The following CARMIL1 variants were observed in gnomAD, a reference collection of about 807,000 sequenced individuals.
The protein encoded by CARMIL1 is F-actin-uncapping protein LRRC16A.
In CARMIL1, 90 loss-of-function variants were observed where a neutral mutation model predicts 177.1. The observed-to-expected ratio is 0.51, with a 90% CI of 0.43 to 0.61. The LOEUF (loss-of-function observed/expected upper bound fraction) is 0.61, where lower values mean the gene tolerates loss of function less well. Among genes scored for constraint, CARMIL1 ranks in the 20% least tolerant of loss-of-function variants. The pLI is 0.00. For missense variants in CARMIL1, 1,380 were observed against 1,667.0 expected (o/e 0.83, Z 3.00); for synonymous variants, 577 against 606.2 (o/e 0.95, Z 0.71).
intron 3 of CARMIL1, among the ~76,000 whole-genome samples, chr6:25,421,188 A>G (rs1263719054): frequency 6.6e-6 from 1 of 152,254 alleles, no homozygotes; most frequent in Non-Finnish European, 1.5e-5. Context: ...TCACAGTAAC[A>G]TTGTAGATGA....
intron 2 of CARMIL1, among the ~76,000 whole-genome samples, chr6:25,338,398 A>C (rs536479310): frequency 2.0e-5 from 3 of 152,168 alleles, no homozygotes; most frequent in African/African-American, 4.8e-5. Context: ...CTGTCTCCAG[A>C]ACTTTTGCCC....
chr6:25,599,088 G>C (rs1295044251), intron 32 of CARMIL1, among the ~76,000 whole-genome samples: 1 of 152,234 alleles, frequency 6.6e-6, no homozygotes, highest in African/African-American at 2.4e-5. Context: ...TTTCCAGAGA[G>C]TGAACTTGGG....
intron 2 of CARMIL1, among the ~76,000 whole-genome samples, chr6:25,410,086 C>G (rs1199636541): frequency 6.7e-6 from 1 of 149,452 alleles, no homozygotes; most frequent in East Asian, 2.0e-4. Context: ...ACCCCCCCCG[C>G]CCCCCGCCGC....
intron 36 of CARMIL1, among the ~76,000 whole-genome samples, chr6:25,616,834 G>A (rs2151353725): frequency 6.6e-6 from 1 of 152,222 alleles, no homozygotes; most frequent in Middle Eastern, 3.4e-3. Context: ...TAATAAGGGT[G>A]GAGACGAGAA....
At chr6:25,593,465 T>G (rs1262974774) in intron 31 of CARMIL1, among the ~76,000 whole-genome samples, 2 of 152,342 alleles carry the variant, frequency 1.3e-5, no homozygotes, top group African/African-American at 2.4e-5. Flanking sequence ...TATGGGTTAT[T>G]GTATTATTAG....
intron 2 of CARMIL1, among the ~76,000 whole-genome samples, chr6:25,298,303 C>G (rs1356453306): frequency 3.9e-5 from 6 of 152,078 alleles, no homozygotes; most frequent in Admixed American, 1.3e-4. Flanking sequence ...AAAGAAATAC[C>G]TCAACTTTGC....
intron 2 of CARMIL1, among the ~76,000 whole-genome samples, chr6:25,369,635 T>C (rs1309597487): frequency 1.3e-5 from 2 of 152,172 alleles, no homozygotes; most frequent in Non-Finnish European, 2.9e-5. Context: ...GCAGGAAGGC[T>C]GGGCCTTTGG....
chr6:25,292,471 GA>G (rs1195106167), intron 2 of CARMIL1, among the ~76,000 whole-genome samples: 4 of 152,178 alleles, frequency 2.6e-5, no homozygotes, highest in African/African-American at 7.2e-5. Context: ...CCGAACACTG[GA>G]GTCAGTTCCT....
chr6:25,586,085 GCCAGGCAGAGGCGCCCCCCA>G (rs1813631431), intron 31 of CARMIL1, among the ~76,000 whole-genome samples: 1 of 151,030 alleles, frequency 6.6e-6, no homozygotes, highest in African/African-American at 2.5e-5. Flanking sequence ...CGGGGTGGCG[GCCAGGCAGAGGCGCCCCCCA>G]TCTCCCTAAC....
Position 25,411,654 on chromosome 6 carries a change from G to A in CARMIL1, c.139-8460G>A, listed in dbSNP as rs376495824. On this transcript the variant is annotated intron_variant, in intron 2 of 36. Transcript: ENST00000329474. Reference sequence around the variant, plus strand: ...ATGAAGTGATTGTGTCTGGCATGCTGTATGTAAACATTCCATTTCTACATA... The same window carrying A: ...ATGAAGTGATTGTGTCTGGCATGCTATATGTAAACATTCCATTTCTACATA... Among the ~76,000 whole-genome samples the A allele has an allele frequency of 1.5e-4, 23 of 152,178 alleles. 1 individual carries two copies. The highest frequency in any genetic ancestry group is 4.1e-4 in the African/African-American group (17 of 41,444).
intron 34 of CARMIL1, among the ~76,000 whole-genome samples, chr6:25,605,149 T>A (rs1253772961): frequency 6.6e-6 from 1 of 152,154 alleles, no homozygotes; most frequent in Non-Finnish European, 1.5e-5. Context: ...TCTGACTGTT[T>A]TTTCATTGCA....
intron 4 of CARMIL1, among the ~76,000 whole-genome samples, chr6:25,432,244 G>A (rs1228737848): frequency 6.6e-6 from 1 of 152,080 alleles, no homozygotes; most frequent in African/African-American, 2.4e-5. Context: ...AAAATCATGA[G>A]GATGGGAATA....
chr6:25,520,355 G>A lies in CARMIL1; in HGVS notation c.1968+18G>A. On this transcript the variant is annotated intron_variant, in intron 23 of 36. Coordinates refer to ENST00000329474, the MANE Select transcript of CARMIL1 (RefSeq NM_017640.6). Reference sequence around the variant, plus strand: ...TGCAAAAGGTATTAAAGAATCAGTAGCTTAATTACAAGAAATTCACATTTG... The same window carrying A: ...TGCAAAAGGTATTAAAGAATCAGTAACTTAATTACAAGAAATTCACATTTG... 1 of 1,322,868 alleles carries A rather than the reference G, an allele frequency of 7.6e-7. No homozygotes were observed. Among genetic ancestry groups the A allele is most frequent in the Non-Finnish European group, 1.1e-6 (1 of 950,046 alleles). The allele number at this position is 1,322,868 out of a possible 1,614,324, so 81.9% of individuals were successfully genotyped here. A position where few individuals can be genotyped will look rare whatever the true frequency, so the allele number is the denominator to read the frequency against.
intron 8 of CARMIL1, among the ~76,000 whole-genome samples, chr6:25,459,265 T>TCTTTCTTTCTTTTCTTTC (rs1562167771): frequency 8.7e-6 from 1 of 115,294 alleles, no homozygotes; most frequent in Non-Finnish European, 1.9e-5. Context: ...TTTCTTTCTT[T>TCTTTCTTTCTTTTCTTTC]CTTTTTTTTT....
chr6:25,533,671 T>G (rs1203546457), intron 24 of CARMIL1, among the ~76,000 whole-genome samples: 5 of 152,218 alleles, frequency 3.3e-5, no homozygotes, highest in African/African-American at 9.6e-5. Context: ...CCTTCTGCTT[T>G]CTACACAACT....
chr6:25,403,942 C>G (rs1047511496), intron 2 of CARMIL1, among the ~76,000 whole-genome samples: 1 of 152,172 alleles, frequency 6.6e-6, no homozygotes, highest in Non-Finnish European at 1.5e-5. Context: ...TCCTTGGTGC[C>G]TACCACAAGG....
At position 25,387,044 on chromosome 6, in the gene CARMIL1, C is replaced by T. The variant is rs1031231403; in HGVS notation, c.139-33070C>T. ...ACTTAGGAGCCTGAGGCGGGAGAAT[C>T]GTTTGAACCTGCGAGGCCGAGATCG... is the stretch of plus-strand genomic sequence containing the variant. On this transcript the variant is annotated intron_variant, in intron 2 of 36. Transcript: ENST00000329474. Among the ~76,000 whole-genome samples, 8 of 140,960 alleles carry T rather than the reference C, an allele frequency of 5.7e-5. No homozygotes were observed. The East Asian group carries it at 1.1e-3, about 19-fold the overall frequency. The allele number at this position is 140,960 out of a possible 152,430, so 92.5% of individuals were successfully genotyped here.
intron 23 of CARMIL1, among the ~76,000 whole-genome samples, chr6:25,528,506 G>A (rs550222172): frequency 6.6e-6 from 1 of 152,290 alleles, no homozygotes; most frequent in South Asian, 2.1e-4. Context: ...AACTCACGAA[G>A]TGGGGTCTCT....
At chr6:25,566,354 C>T (rs896816807) in intron 29 of CARMIL1, among the ~76,000 whole-genome samples, 2 of 152,182 alleles carry the variant, frequency 1.3e-5, no homozygotes, top group African/African-American at 4.8e-5. Context: ...TTAGTCTCTC[C>T]TTTGTTCTCT....
Sources: allele counts gnomAD v4.1 joint callset (sites outside exome capture counted in the v4.1 genomes callset), GRCh38; gene constraint gnomAD v4.1.1; transcripts MANE v1.5; gene names NCBI Gene and HGNC (gene_info 2026-07-23, HGNC 2026-07-21).